The following CCDC88A variants were observed in gnomAD, a reference collection of about 807,000 sequenced individuals.
CCDC88A encodes girdin.
CCDC88A carries 54 observed loss-of-function variants against 234.3 expected under a neutral mutation model. The observed-to-expected ratio is 0.23, with a 90% CI of 0.19 to 0.29. CCDC88A has a LOEUF of 0.29. Ranked by LOEUF, CCDC88A falls within the 10% of genes least tolerant of loss-of-function variation. CCDC88A has a pLI of 1.00. For synonymous variants in CCDC88A, 753 were observed against 737.8 expected (o/e 1.02, Z -0.33); for missense variants, 1,832 against 2,123.4 (o/e 0.86, Z 2.70).
rs927669671 is a variant in CCDC88A at position 55,288,373 on chromosome 2, A to G, written c.*2827T>C. On this transcript the variant is annotated 3_prime_UTR_variant, in exon 33 of 33. Coordinates refer to ENST00000436346, the MANE Select transcript of CCDC88A (RefSeq NM_001365480.1). ...AAGTGTAGCTGAAAAGAAAAACACA[A>G]AAATTCACCACTCACAAAAAGTAAC... is the stretch of plus-strand genomic sequence containing the variant. The G allele has an allele frequency of 6.6e-6, 1 of 152,628 alleles. No homozygotes were observed. The highest frequency in any genetic ancestry group is 1.9e-4 in the East Asian group (1 of 5,198). The allele number at this position is 152,628 out of a possible 1,614,324, so 9.5% of individuals were successfully genotyped here.
intron 3 of CCDC88A, among the ~76,000 whole-genome samples, chr2:55,383,189 T>C (rs1018328701): frequency 6.6e-6 from 1 of 152,136 alleles, no homozygotes; most frequent in African/African-American, 2.4e-5. Context: ...TCAATATTCT[T>C]TTCTCCCTGG....
At chr2:55,383,830 T>C (rs2104866645) in intron 3 of CCDC88A, among the ~76,000 whole-genome samples, 1 of 152,238 alleles carries the variant, frequency 6.6e-6, no homozygotes. Context: ...ATGTGTCATA[T>C]ATTAAACCAC....
intron 2 of CCDC88A, among the ~76,000 whole-genome samples, chr2:55,400,888 T>G (rs1229887476): frequency 1.3e-5 from 2 of 152,312 alleles, no homozygotes; most frequent in South Asian, 4.1e-4. Flanking sequence ...AGATAATTTA[T>G]AAAATAACAT....
In CCDC88A at chr2:55,400,957, A is replaced by G. The variant is rs1010599097; in HGVS notation, c.165-12071T>C. On this transcript the variant is annotated intron_variant, in intron 2 of 32. Coordinates refer to ENST00000436346, the MANE Select transcript of CCDC88A (RefSeq NM_001365480.1). Reference sequence around the variant, plus strand: ...TCTGAAATAACTAATTTATGTATCTAACTTTAAATGTGCATAAACCAGAAT... The same window carrying G: ...TCTGAAATAACTAATTTATGTATCTGACTTTAAATGTGCATAAACCAGAAT... Among the ~76,000 whole-genome samples, 13 of 152,364 alleles carry G rather than the reference A, an allele frequency of 8.5e-5. 1 individual carries two copies. Among genetic ancestry groups the G allele is most frequent in the African/African-American group, 3.1e-4 (13 of 41,590 alleles).
intron 2 of CCDC88A, among the ~76,000 whole-genome samples, chr2:55,408,050 C>T (rs1679899863): frequency 6.6e-6 from 1 of 151,888 alleles, no homozygotes; most frequent in Non-Finnish European, 1.5e-5. Context: ...CTAACTTCTA[C>T]CTCTAGTGTT....
chr2:55,385,239 C>T (rs573790399), intron 3 of CCDC88A, among the ~76,000 whole-genome samples: 8 of 151,912 alleles, frequency 5.3e-5, no homozygotes, highest in Admixed American at 2.0e-4. Context: ...AAATCTAAAA[C>T]GGAAAAATTT....
At chr2:55,367,389 T>C (rs1672131381) in intron 5 of CCDC88A, among the ~76,000 whole-genome samples, 1 of 152,068 alleles carries the variant, frequency 6.6e-6, no homozygotes, top group Non-Finnish European at 1.5e-5. Flanking sequence ...ACTTAAAAAA[T>C]TGTTAAAATG....
chr2:55,385,907 G>C (rs1042981887), intron 3 of CCDC88A, among the ~76,000 whole-genome samples: 1 of 130,172 alleles, frequency 7.7e-6, no homozygotes, highest in Non-Finnish European at 1.6e-5. Flanking sequence ...AAAAATTAGA[G>C]AGCTAACTTC....
chr2:55,368,364 G>A (rs1001057610), intron 5 of CCDC88A, among the ~76,000 whole-genome samples: 2 of 152,066 alleles, frequency 1.3e-5, no homozygotes, highest in African/African-American at 4.8e-5. Flanking sequence ...GTTTTTGAAT[G>A]CTGCTTCCTC....
intron 13 of CCDC88A, chr2:55,339,185 C>A: frequency 3.9e-6 from 1 of 256,310 alleles, no homozygotes; most frequent in Non-Finnish European, 7.3e-6. Context: ...TCACAAACTC[C>A]CGACCTCAGG....
chr2:55,379,374 T>C (rs1674211531), intron 3 of CCDC88A, among the ~76,000 whole-genome samples: 1 of 152,188 alleles, frequency 6.6e-6, no homozygotes, highest in Non-Finnish European at 1.5e-5. Flanking sequence ...ACTCAAATTA[T>C]AAGAAACCTA....
chr2:55,341,500 A>C (rs768805977), intron 12 of CCDC88A, among the ~76,000 whole-genome samples: 3 of 149,284 alleles, frequency 2.0e-5, no homozygotes, highest in African/African-American at 7.4e-5. Context: ...GCTGGAGTGC[A>C]ATAGGATGAT....
intron 8 of CCDC88A, among the ~76,000 whole-genome samples, chr2:55,353,507 T>C (rs1329479357): frequency 6.6e-6 from 1 of 152,146 alleles, no homozygotes; most frequent in Admixed American, 6.5e-5. Flanking sequence ...AATTTTCCTA[T>C]GGACTGTAAT....
chr2:55,411,415 T>C (rs928548761), intron 2 of CCDC88A, among the ~76,000 whole-genome samples: 2 of 152,148 alleles, frequency 1.3e-5, no homozygotes, highest in Non-Finnish European at 2.9e-5. Context: ...TGAATCATAT[T>C]GAGAATGAGG....
chr2:55,343,304 T>C (rs1483586616), intron 12 of CCDC88A, among the ~76,000 whole-genome samples: 1 of 152,122 alleles, frequency 6.6e-6, no homozygotes, highest in African/African-American at 2.4e-5. Context: ...TCAAAGAACA[T>C]GCTGACCACT....
chr2:55,367,979 A>C (rs1300505112), intron 5 of CCDC88A, among the ~76,000 whole-genome samples: 4 of 152,232 alleles, frequency 2.6e-5, no homozygotes, highest in African/African-American at 9.6e-5. Context: ...GTTCTGCTAA[A>C]AAGAGATGAA....
At chr2:55,398,377 T>C (rs1332988466) in intron 2 of CCDC88A, among the ~76,000 whole-genome samples, 4 of 152,200 alleles carry the variant, frequency 2.6e-5, no homozygotes, top group Admixed American at 2.6e-4. Flanking sequence ...ATTATATCAT[T>C]ATCTATTACT....
intron 2 of CCDC88A, among the ~76,000 whole-genome samples, chr2:55,390,911 G>C (rs893267419): frequency 1.3e-5 from 2 of 152,186 alleles, no homozygotes; most frequent in East Asian, 3.9e-4. Context: ...AAGCTAAAAC[G>C]GGAGGAATGC....
chr2:55,332,782 A>C lies in CCDC88A; in HGVS notation c.2728-89T>G, dbSNP rs1685071991. 4 of 1,094,482 alleles carry C rather than the reference A, an allele frequency of 3.7e-6. No homozygotes were observed. In the African/African-American group the frequency reaches 6.2e-5, roughly 17 times the overall value. The allele number at this position is 1,094,482 out of a possible 1,614,324, so 67.8% of individuals were successfully genotyped here. Reference sequence around the variant, plus strand: ...GCTAAGATTCTAATTACCACCATCTAGGAATACATGTAATTTGAACCAGGA... The same window carrying C: ...GCTAAGATTCTAATTACCACCATCTCGGAATACATGTAATTTGAACCAGGA... On this transcript the variant is annotated intron_variant, in intron 15 of 32. Coordinates refer to ENST00000436346, the MANE Select transcript of CCDC88A (RefSeq NM_001365480.1). The surrounding 1 kb of genome is among the most constrained non-coding windows in gnomAD (Gnocchi z 4.5).
Sources: gnomAD v4.1 joint callset for allele counts (sites outside exome capture counted in the v4.1 genomes callset) on GRCh38, gnomAD v4.1.1 for gene constraint, Gnocchi (gnomAD v3.1) non-coding constraint, MANE v1.5 for transcripts, NCBI Gene and HGNC (gene_info 2026-07-23, HGNC 2026-07-21) for gene names.